Variants in CPNE8 observed in about 807,000 individuals in gnomAD.
CPNE8 encodes copine-8.
CPNE8 carries 45 observed loss-of-function variants against 81.5 expected under a neutral mutation model. That is an observed-to-expected ratio of 0.55 (90% CI 0.44 to 0.71). CPNE8 has a LOEUF of 0.71. Among genes scored for constraint, CPNE8 ranks in the 30% least tolerant of loss-of-function variants. CPNE8 has a pLI of 0.00. For missense variants in CPNE8, 594 were observed against 672.1 expected, an observed-to-expected ratio of 0.88 and a Z score of 1.28; for synonymous variants, 252 against 226.3, an observed-to-expected ratio of 1.11 and a Z score of -1.02.
intron 6 of CPNE8, among the ~76,000 whole-genome samples, chr12:38,790,867 C>G (rs1442755676): frequency 6.6e-6 from 1 of 151,624 alleles, no homozygotes. Flanking sequence ...TTGCCCTGTA[C>G]TGATTGTTGT....
At chr12:38,677,373 C>A in intron 17 of CPNE8, 79 bp downstream of exon 17, 1 of 780,796 alleles carries the variant, frequency 1.3e-6, no homozygotes, top group Non-Finnish European at 2.3e-6. Flanking sequence ...TTATTGTTAA[C>A]TAGAATAGAC....
chr12:38,724,936 T>C (rs771472310), intron 11 of CPNE8, 37 bp from the exon 12 acceptor site: 2 of 1,488,378 alleles, frequency 1.3e-6, no homozygotes, highest in South Asian at 2.4e-5. Flanking sequence ...ATGTGTTAGG[T>C]TTTATACCGA....
chr12:38,737,008 T>C (rs1262999484), intron 10 of CPNE8, among the ~76,000 whole-genome samples: 1 of 152,058 alleles, frequency 6.6e-6, no homozygotes, highest in African/African-American at 2.4e-5. Context: ...ATTGAATTCA[T>C]TTTTTAGCTT....
chr12:38,889,138 G>T (rs1403613443), intron 1 of CPNE8, among the ~76,000 whole-genome samples: 1 of 152,180 alleles, frequency 6.6e-6, no homozygotes, highest in East Asian at 1.9e-4. Flanking sequence ...CCAGATAAAG[G>T]ATTTAGTGTT....
chr12:38,671,815 T>A (rs369850150), intron 18 of CPNE8, among the ~76,000 whole-genome samples: 6 of 152,138 alleles, frequency 3.9e-5, no homozygotes, highest in Non-Finnish European at 8.8e-5. Flanking sequence ...CACATGTTCA[T>A]GAGTCAATGC....
rs55794135 is a variant in CPNE8 at position 38,793,329 on chromosome 12, T to TACACACAC, written c.408-17036_408-17029dup. On this transcript the variant is annotated intron_variant, in intron 6 of 19. Transcript: ENST00000331366. The stretch of plus-strand genomic sequence containing the variant: ...GCATTATGTAGAAAATTCTAAAAAT[T>TACACACAC]ACACACACACACACACACACACACA... Among the ~76,000 whole-genome samples the TACACACAC allele has an allele frequency of 7.2e-4, 107 of 149,060 alleles. No individual in the cohort carries two copies. The East Asian group carries it at 7.5e-3, about 11-fold the overall frequency.
At chr12:38,790,022 G>A (rs757218569) in intron 6 of CPNE8, among the ~76,000 whole-genome samples, 29 of 151,646 alleles carry the variant, frequency 1.9e-4, no homozygotes, top group African/African-American at 3.4e-4. Flanking sequence ...CAATCACTAC[G>A]GAGAACACTT....
intron 3 of CPNE8, among the ~76,000 whole-genome samples, chr12:38,852,141 A>C (rs1227430255): frequency 6.6e-6 from 1 of 152,082 alleles, no homozygotes; most frequent in Non-Finnish European, 1.5e-5. Context: ...TTAAATGTTT[A>C]TGTAGGCTGG....
chr12:38,730,407 C>T lies in CPNE8; in HGVS notation c.723-49G>A, dbSNP rs190412248. The T allele has an allele frequency of 6.3e-5, 67 of 1,069,718 alleles. No individual in the cohort carries two copies. The Admixed American group carries it at 1.3e-3, about 20-fold the overall frequency. The allele number at this position is 1,069,718 out of a possible 1,614,324, so 66.3% of individuals were successfully genotyped here. A position where few individuals can be genotyped will look rare whatever the true frequency, so the allele number is the denominator to read the frequency against. On this transcript the variant is annotated intron_variant, in intron 10 of 19. Coordinates refer to ENST00000331366, the MANE Select transcript of CPNE8 (RefSeq NM_153634.3). ...ATAATATTGGCTTTCATATATTTGT[C>T]AACTGTATTTTAAAGTTTTTAGAAA...
chr12:38,783,987 C>A (rs1328511027), intron 6 of CPNE8, among the ~76,000 whole-genome samples: 1 of 152,108 alleles, frequency 6.6e-6, no homozygotes, highest in Non-Finnish European at 1.5e-5. Flanking sequence ...GTATCAAGAC[C>A]ATTAGGAAAA....
At chr12:38,726,485 T>C (rs10506125) in intron 11 of CPNE8, 70,131 of 151,892 alleles carry the variant, frequency 0.46, 16,509 homozygotes, top group East Asian at 0.56. Context: ...GATGGTTCAA[T>C]GGTTATTCTA....
intron 19 of CPNE8, among the ~76,000 whole-genome samples, chr12:38,659,188 G>A (rs1938894718): frequency 3.3e-5 from 5 of 149,942 alleles, no homozygotes; most frequent in Admixed American, 2.7e-4. Context: ...TCAAAATGAA[G>A]GGATGGAGGA....
At chr12:38,747,705 T>G (rs1050013302) in intron 10 of CPNE8, among the ~76,000 whole-genome samples, 6 of 152,116 alleles carry the variant, frequency 3.9e-5, no homozygotes, top group Non-Finnish European at 5.9e-5. Flanking sequence ...AATTGATTGT[T>G]CCTGTAAGTA....
chr12:38,756,352 C>CTTTT (rs5797594), intron 10 of CPNE8, among the ~76,000 whole-genome samples: 1 of 135,172 alleles, frequency 7.4e-6, no homozygotes, highest in African/African-American at 2.8e-5. Context: ...GCATTTTCCA[C>CTTTT]TTTTTTTTTT....
chr12:38,705,064 C>T (rs1239449536), intron 13 of CPNE8, among the ~76,000 whole-genome samples: 1 of 151,128 alleles, frequency 6.6e-6, no homozygotes, highest in African/African-American at 2.4e-5. Flanking sequence ...CATGACAATG[C>T]TATAAATACT....
At chr12:38,885,188 ATAAT>A (rs769010030) in intron 1 of CPNE8, among the ~76,000 whole-genome samples, 13 of 152,214 alleles carry the variant, frequency 8.5e-5, no homozygotes, top group African/African-American at 2.4e-4. Flanking sequence ...AAATGATATA[ATAAT>A]TAAACTCAAA....
At chr12:38,714,860 A>G (rs1940347625) in intron 13 of CPNE8, among the ~76,000 whole-genome samples, 1 of 152,094 alleles carries the variant, frequency 6.6e-6, no homozygotes, top group Non-Finnish European at 1.5e-5. Flanking sequence ...TTTCATGTAA[A>G]TATCTACATC....
At chr12:38,726,248 C>A (rs1940693516) in intron 11 of CPNE8, 1 of 147,592 alleles carries the variant, frequency 6.8e-6, no homozygotes, top group Non-Finnish European at 1.5e-5. Flanking sequence ...ATAAGGAAGC[C>A]CCATTAAAAA....
intron 7 of CPNE8, among the ~76,000 whole-genome samples, chr12:38,775,276 A>AT (rs1005830638): frequency 5.3e-5 from 8 of 152,174 alleles, no homozygotes; most frequent in African/African-American, 1.9e-4. Flanking sequence ...ATGAGCCACC[A>AT]TGTCCCACCA....
Sources: gnomAD v4.1 joint callset for allele counts (sites outside exome capture counted in the v4.1 genomes callset) on GRCh38, gnomAD v4.1.1 for gene constraint, MANE v1.5 for transcripts, NCBI Gene and HGNC (gene_info 2026-07-23, HGNC 2026-07-21) for gene names.